ZSWIM6: variants seen among roughly 807,000 people sequenced by gnomAD.
ZSWIM6 encodes the protein zinc finger SWIM domain-containing protein 6.
Under a neutral mutation model 113.2 loss-of-function variants are expected in ZSWIM6, and 9 were observed. That is an observed-to-expected ratio of 0.08 (90% CI 0.05 to 0.14). The LOEUF is 0.14. Among genes scored for constraint, ZSWIM6 ranks in the 10% least tolerant of loss-of-function variants. The probability of loss-of-function intolerance (pLI) is 1.00; values close to 1 mark genes in which losing one functional copy is unlikely to be tolerated. For missense variants in ZSWIM6, 1,162 were observed against 1,552.2 expected (o/e 0.75, Z 4.22); for synonymous variants, 611 against 606.5 (o/e 1.01, Z -0.11).
Position 61,332,302 on chromosome 5 carries a change from C to A in ZSWIM6, c.30C>A (p.Pro10=). 8.6e-7 allele frequency: 1 copy of A among 1,166,460 alleles called. No homozygotes were observed. The allele number at this position is 1,166,460 out of a possible 1,614,324, so 72.3% of individuals were successfully genotyped here. MAERGQQPP[P]AKRLCCRPGG... ...CGGAGCGCGGACAGCAGCCTCCTCC[C>A]GCGAAACGGCTTTGCTGCCGGCCGG... The change falls in exon 1 of 14, where the codon CCC becomes CCA. Residue 10 remains proline, a synonymous_variant. Coordinates refer to ENST00000252744, the MANE Select transcript of ZSWIM6 (RefSeq NM_020928.2).
At chr5:61,486,404 G>A (rs559072892) in intron 2 of ZSWIM6, among the ~76,000 whole-genome samples, 6 of 145,020 alleles carry the variant, frequency 4.1e-5, no homozygotes, top group South Asian at 3.1e-4. Context: ...GTGATATAAC[G>A]TAGGAGTGCA....
chr5:61,539,507 G>A (rs888910977), intron 11 of ZSWIM6, 89 bp from the exon 12 acceptor site: 25 of 1,378,652 alleles, frequency 1.8e-5, no homozygotes, highest in Admixed American at 5.4e-5. Flanking sequence ...CCCCCTCTGT[G>A]TGTGTGTATG....
intron 1 of ZSWIM6, among the ~76,000 whole-genome samples, chr5:61,460,531 G>C (rs548482675): frequency 6.6e-6 from 1 of 152,250 alleles, no homozygotes; most frequent in African/African-American, 2.4e-5. Context: ...AATGGGGTCT[G>C]TACTGTAGTT....
At chr5:61,453,557 G>C (rs1295331359) in intron 1 of ZSWIM6, among the ~76,000 whole-genome samples, 1 of 151,628 alleles carries the variant, frequency 6.6e-6, no homozygotes, top group Admixed American at 6.6e-5. Flanking sequence ...GTATTTTTTT[G>C]TAGAGATGGG....
chr5:61,388,092 C>T (rs1292735809), intron 1 of ZSWIM6, among the ~76,000 whole-genome samples: 1 of 150,782 alleles, frequency 6.6e-6, no homozygotes, highest in Non-Finnish European at 1.5e-5. Flanking sequence ...AAGTGATTCT[C>T]ATGCCTCAGT....
chr5:61,427,176 T>G (rs1746479492), intron 1 of ZSWIM6, among the ~76,000 whole-genome samples: 1 of 152,202 alleles, frequency 6.6e-6, no homozygotes. Flanking sequence ...AGTTTTTTGG[T>G]GTTTATATAT....
chr5:61,410,573 G>T (rs1179442826), intron 1 of ZSWIM6, among the ~76,000 whole-genome samples: 1 of 152,148 alleles, frequency 6.6e-6, no homozygotes, highest in East Asian at 1.9e-4. Context: ...CTCCCAGAGT[G>T]CTGGGATTAC....
intron 1 of ZSWIM6, among the ~76,000 whole-genome samples, chr5:61,359,050 T>C (rs543686235): frequency 1.8e-4 from 27 of 152,286 alleles, no homozygotes; most frequent in African/African-American, 6.3e-4. Flanking sequence ...GCGCAATACA[T>C]ATAACACACA....
At chr5:61,457,446 T>C (rs534805250) in intron 1 of ZSWIM6, among the ~76,000 whole-genome samples, 37 of 152,330 alleles carry the variant, frequency 2.4e-4, no homozygotes, top group African/African-American at 8.4e-4. Flanking sequence ...AATATATTTA[T>C]ATTTTAGGCA....
chr5:61,475,810 G>A (rs1270493533), intron 2 of ZSWIM6, among the ~76,000 whole-genome samples: 3 of 152,144 alleles, frequency 2.0e-5, no homozygotes, highest in African/African-American at 7.2e-5. Context: ...AAAATGTTTT[G>A]CAGTTACTTG....
chr5:61,360,913 A>G (rs1745022349), intron 1 of ZSWIM6, among the ~76,000 whole-genome samples: 2 of 152,118 alleles, frequency 1.3e-5, no homozygotes, highest in South Asian at 2.1e-4. Context: ...TTCTCTACGC[A>G]TTCCTTAGAC....
chr5:61,466,108 A>C (rs1747429324), intron 1 of ZSWIM6, among the ~76,000 whole-genome samples: 1 of 152,166 alleles, frequency 6.6e-6, no homozygotes, highest in South Asian at 2.1e-4. Context: ...TGGAAATTGT[A>C]CATGATTTAC....
chr5:61,404,251 A>T (rs1041821232), intron 1 of ZSWIM6, among the ~76,000 whole-genome samples: 4 of 152,190 alleles, frequency 2.6e-5, no homozygotes, highest in Admixed American at 2.0e-4. Context: ...TACCACCGGA[A>T]AACTTTCCTT....
At position 61,490,762 on chromosome 5, in the gene ZSWIM6, T is replaced by TATA; in HGVS notation, c.1034-22_1034-21insAAT. 3 of 1,542,894 alleles carry TATA rather than the reference T, an allele frequency of 1.9e-6. 1 individual carries two copies. In the South Asian group the frequency reaches 3.6e-5, roughly 19 times the overall value. ...CAGAGTTTTTATCTAGCCTGTGTGT[T>TATA]ATTATTTTTCTTTCTATTTCTAGGT... On this transcript the variant is annotated intron_variant, in intron 2 of 13. Transcript: ENST00000252744.
At chr5:61,526,055 G>A in intron 6 of ZSWIM6, 79 bp downstream of exon 6, 3 of 1,498,586 alleles carry the variant, frequency 2.0e-6, no homozygotes, top group South Asian at 2.6e-5. Flanking sequence ...AATGGGAGGT[G>A]GAGAACTGAA....
chr5:61,360,474 A>G (rs1306654123), intron 1 of ZSWIM6, among the ~76,000 whole-genome samples: 3 of 152,218 alleles, frequency 2.0e-5, no homozygotes, highest in Non-Finnish European at 2.9e-5. Context: ...TAGTTCTCCT[A>G]AGGTCACATA....
chr5:61,335,522 A>C (rs1744373253), intron 1 of ZSWIM6, among the ~76,000 whole-genome samples: 1 of 152,244 alleles, frequency 6.6e-6, no homozygotes, highest in South Asian at 2.1e-4. Context: ...GTTTGAATTG[A>C]TATGCTAACT....
intron 2 of ZSWIM6, among the ~76,000 whole-genome samples, chr5:61,489,666 T>G (rs763058723): frequency 3.9e-5 from 6 of 152,218 alleles, no homozygotes; most frequent in South Asian, 4.1e-4. Flanking sequence ...GCCCCTGAAC[T>G]AAGTTGTAGA....
chr5:61,448,431 T>C (rs189445587), intron 1 of ZSWIM6, among the ~76,000 whole-genome samples: 3 of 152,352 alleles, frequency 2.0e-5, no homozygotes, highest in Admixed American at 2.0e-4. Context: ...TATATTAAAT[T>C]AGTTTCCTTC....
Sources: allele counts gnomAD v4.1 joint callset (sites outside exome capture counted in the v4.1 genomes callset), GRCh38; gene constraint gnomAD v4.1.1; transcripts MANE v1.5; gene names NCBI Gene and HGNC (gene_info 2026-07-23, HGNC 2026-07-21).